PPP2R3B: variants seen among roughly 807,000 people sequenced by gnomAD.
PPP2R3B encodes the protein serine/threonine-protein phosphatase 2A regulatory subunit B'' subunit beta.
Under a neutral mutation model 72.9 loss-of-function variants are expected in PPP2R3B, and 68 were observed. That is an observed-to-expected ratio of 0.93 (90% CI 0.77 to 1.14). The LOEUF is 1.14. Among genes scored for constraint, PPP2R3B ranks in the 50% most tolerant of loss-of-function variants. The probability of loss-of-function intolerance (pLI) is 0.00; values close to 1 mark genes in which losing one functional copy is unlikely to be tolerated. For missense variants in PPP2R3B, 1,018 were observed against 842.0 expected (o/e 1.21, Z -2.59); for synonymous variants, 466 against 375.8 (o/e 1.24, Z -2.78).
At chrX:360,799 G>A (rs759753831) in intron 2 of PPP2R3B, among the ~76,000 whole-genome samples, 1 of 152,350 alleles carries the variant, frequency 6.6e-6, no homozygotes, top group Non-Finnish European at 1.5e-5. Context: ...CTCTGGTGTA[G>A]GCCTTGCCTT....
intron 7 of PPP2R3B, 127 bp downstream of exon 7, chrX:345,388 CG>C (rs1569384943): frequency 2.3e-6 from 3 of 1,297,952 alleles, no homozygotes; most frequent in Non-Finnish European, 3.2e-6. Context: ...GCGGCGAGTG[CG>C]AAGGAGAGGC....
At chrX:373,631 G>A (rs1245405162) in intron 1 of PPP2R3B, 2 of 282,414 alleles carry the variant, frequency 7.1e-6, no homozygotes, top group Non-Finnish European at 1.5e-5. Flanking sequence ...CGGGGTCCTG[G>A]CGCAGCGAGC....
rs763812216 is a variant in PPP2R3B at position 334,385 on chromosome X, C to T, written c.1710G>A (p.Glu570=). ...VDLYEYACGD[E]DLEPL is the part of the protein sequence containing the mutation. ...GGCGGCGTCACAGCGGCTCCAGGTC[C>T]TCGTCCCCGCATGCGTACTCGTACA... The change falls in exon 13 of 13, where the codon GAG becomes GAA. Residue 570 remains glutamate (E), a synonymous_variant. Transcript: ENST00000390665. 1 of 1,525,820 alleles carries T rather than the reference C, an allele frequency of 6.6e-7. No individual in the cohort carries two copies. Among genetic ancestry groups the T allele is most frequent in the Non-Finnish European group, 8.7e-7 (1 of 1,143,308 alleles). The allele number at this position is 1,525,820 out of a possible 1,614,324, so 94.5% of individuals were successfully genotyped here. A position where few individuals can be genotyped will look rare whatever the true frequency, so the allele number is the denominator to read the frequency against.
intron 7 of PPP2R3B, among the ~76,000 whole-genome samples, chrX:343,065 G>T (rs1459078571): frequency 3.2e-4 from 5 of 15,770 alleles, no homozygotes; most frequent in Admixed American, 1.2e-3. Flanking sequence ...GTGAGACCTC[G>T]CCAAGGAGAG....
In PPP2R3B at chrX:341,821, G is replaced by A; in HGVS notation, c.1085+62C>T. On this transcript the variant is annotated intron_variant, in intron 8 of 12. Transcript: ENST00000390665. ...AAAAGCTCACGTCAGGCAACGATGA[G>A]GAGAGGGACCGGGGTCCTCGCAGGG... 7 of 1,569,530 alleles carry A rather than the reference G, an allele frequency of 4.5e-6. 1 individual carries two copies. The highest frequency in any genetic ancestry group is 2.2e-5 in the South Asian group (2 of 90,246).
chrX:338,890 A>ATCT lies in PPP2R3B; in HGVS notation c.1355_1357dup (p.Lys452dup). On this transcript the variant is annotated inframe_insertion, in exon 11 of 13. Coordinates refer to ENST00000390665, the MANE Select transcript of PPP2R3B (RefSeq NM_013239.5). The stretch of plus-strand genomic sequence containing the variant: ...GCAGCGCTTCAGGTCCTGCAGCGTG[A>ATCT]TCTTCCCTGCGGGGAGGGGAGTGCG... 1 of 1,612,134 alleles carries ATCT rather than the reference A, an allele frequency of 6.2e-7. No individual in the cohort carries two copies. The highest frequency in any genetic ancestry group is 2.2e-5 in the East Asian group (1 of 44,860).
chrX:345,185 G>A, intron 7 of PPP2R3B: 1 of 576,216 alleles, frequency 1.7e-6, no homozygotes, highest in African/African-American at 1.8e-5. Flanking sequence ...GAAGGCGTGT[G>A]GCCTGCCCGC....
intron 1 of PPP2R3B, among the ~76,000 whole-genome samples, chrX:379,029 CTG>C (rs761802799): frequency 1.3e-5 from 2 of 151,844 alleles, no homozygotes; most frequent in South Asian, 2.1e-4. Context: ...GTACATGCAC[CTG>C]TGTGTGTGTA....
intron 1 of PPP2R3B, among the ~76,000 whole-genome samples, chrX:375,908 A>C (rs1313758833): frequency 2.0e-5 from 3 of 151,298 alleles, no homozygotes; most frequent in African/African-American, 7.3e-5. Context: ...GACTTTTGGA[A>C]CACAGCCAGG....
chrX:351,037 G>A (rs939870482), intron 2 of PPP2R3B, among the ~76,000 whole-genome samples: 3 of 152,188 alleles, frequency 2.0e-5, no homozygotes, highest in Non-Finnish European at 4.4e-5. Context: ...ACTGCAGAGG[G>A]GGCTGCGCGC....
rs767490767 is a variant in PPP2R3B, at chrX:341,872, G to A, written c.1085+11C>T. The A allele has an allele frequency of 6.2e-6, 10 of 1,612,586 alleles. No individual in the cohort carries two copies. Among genetic ancestry groups the A allele is most frequent in the Non-Finnish European group, 8.5e-6 (10 of 1,179,680 alleles). On this transcript the variant is annotated intron_variant, in intron 8 of 12. Coordinates refer to ENST00000390665, the MANE Select transcript of PPP2R3B (RefSeq NM_013239.5). Reference sequence around the variant, plus strand: ...GCAATGGCTGCCGTCAGGCGCCTGAGCCGTACGTACCGTGTGACTGCTCCT... The same window carrying A: ...GCAATGGCTGCCGTCAGGCGCCTGAACCGTACGTACCGTGTGACTGCTCCT...
intron 1 of PPP2R3B, among the ~76,000 whole-genome samples, chrX:371,833 C>T (rs754805577): frequency 6.7e-6 from 1 of 150,266 alleles, no homozygotes; most frequent in Admixed American, 6.7e-5. Flanking sequence ...ACAAATACCC[C>T]CAAATATGCC....
intron 5 of PPP2R3B, 63 bp downstream of exon 5, chrX:346,638 C>T (rs890874295): frequency 7.9e-5 from 116 of 1,475,596 alleles, no homozygotes; most frequent in Non-Finnish European, 1.1e-5. Flanking sequence ...AGCCCCGCGG[C>T]GGCCGCTGCA....
rs1418505765 is a variant in PPP2R3B, at chrX:346,202, G to A, written c.851C>T (p.Ala284Val). 3.2e-6 allele frequency: 5 copies of A among 1,567,226 alleles called. No individual in the cohort carries two copies. The highest frequency in any genetic ancestry group is 4.3e-6 in the Non-Finnish European group (5 of 1,158,262). Residue 284 changes from alanine (A) to valine (V), a missense_variant, in exon 6 of 13, where the codon GCC becomes GTC. By Grantham distance (64) the Ala-to-Val change is moderately conservative. Coordinates refer to ENST00000390665, the MANE Select transcript of PPP2R3B (RefSeq NM_013239.5). ...CAGGAAGGAGCTCCTCCGCAGCTCG[G>A]CGCAGGTGATCCTGCCGGACCAGGA... ...NRSWSGRITC[A>V]ELRRSSFLQN...
At chrX:350,766 G>A (rs1189693121) in intron 2 of PPP2R3B, among the ~76,000 whole-genome samples, 1 of 152,218 alleles carries the variant, frequency 6.6e-6, no homozygotes, top group African/African-American at 2.4e-5. Context: ...GGGACGCCAC[G>A]CAGCTGCCGG....
chrX:344,045 G>A (rs1226299736), intron 7 of PPP2R3B, among the ~76,000 whole-genome samples: 1,306 of 108,856 alleles, frequency 0.012, no homozygotes, highest in Non-Finnish European at 0.017. Flanking sequence ...GTCGCCAACG[G>A]GAGGCGGGAG....
At chrX:345,057 G>C (rs1054918423) in intron 7 of PPP2R3B, 3 of 404,060 alleles carry the variant, frequency 7.4e-6, no homozygotes, top group African/African-American at 4.1e-5. Flanking sequence ...AGGACACCTG[G>C]GCGGCACCGG....
In PPP2R3B at chrX:340,723, G is replaced by T. The variant is rs770064089; in HGVS notation, c.1351+42C>A. ...CTCACCCTGGGCCGTCCTCTCGCCC[G>T]TCCGTCCCCTCACCCTGGGCCATGC... On this transcript the variant is annotated intron_variant, in intron 10 of 12. Coordinates refer to ENST00000390665, the MANE Select transcript of PPP2R3B (RefSeq NM_013239.5). The T allele has an allele frequency of 2.5e-6, 4 of 1,606,102 alleles. No homozygotes were observed. The Admixed American group carries it at 6.7e-5, about 27-fold the overall frequency.
chrX:358,750 G>C (rs907564173), intron 2 of PPP2R3B, among the ~76,000 whole-genome samples: 1 of 151,348 alleles, frequency 6.6e-6, no homozygotes, highest in Non-Finnish European at 1.5e-5. Context: ...CATGAAACGC[G>C]CACATGAGAA....
Sources: allele counts gnomAD v4.1 joint callset (sites outside exome capture counted in the v4.1 genomes callset), GRCh38; gene constraint gnomAD v4.1.1; transcripts MANE v1.5; gene names NCBI Gene and HGNC (gene_info 2026-07-23, HGNC 2026-07-21).